The following NOL6 variants were observed in gnomAD, a reference collection of about 807,000 sequenced individuals.
NOL6 encodes nucleolar RNA-associated protein.
Under a neutral mutation model 131.7 loss-of-function variants are expected in NOL6, and 33 were observed. The observed-to-expected ratio is 0.25, with a 90% confidence interval of 0.19 to 0.33. The LOEUF (loss-of-function observed/expected upper bound fraction) is 0.33, where lower values mean the gene tolerates loss of function less well. Ranked by LOEUF, NOL6 falls within the 10% of genes least tolerant of loss-of-function variation. The pLI, the probability that NOL6 is intolerant of heterozygous loss-of-function variation, is 1.00. For missense variants in NOL6, 1,297 were observed against 1,494.5 expected (o/e 0.87, Z 2.18); for synonymous variants, 580 against 605.7 (o/e 0.96, Z 0.62).
chr9:33,466,034 C>G lies in NOL6; in HGVS notation c.2364+37G>C, dbSNP rs368207663. On this transcript the variant is annotated intron_variant, in intron 18 of 25. Coordinates refer to ENST00000297990, the MANE Select transcript of NOL6 (RefSeq NM_022917.5). Reference sequence around the variant, plus strand: ...CACGCCCTGACATCCCTGGTGCCCCCCTTCCCTGGGGACATATCTGCCTGC... The same window carrying G: ...CACGCCCTGACATCCCTGGTGCCCCGCTTCCCTGGGGACATATCTGCCTGC... The G allele has an allele frequency of 1.6e-5, 25 of 1,561,796 alleles. No homozygotes were observed. In the Admixed American group the frequency reaches 3.2e-4, roughly 20 times the overall value.
At chr9:33,468,261 A>G in intron 10 of NOL6, 60 bp downstream of exon 10, 3 of 1,608,522 alleles carry the variant, frequency 1.9e-6, no homozygotes, top group Non-Finnish European at 2.6e-6. Context: ...TGGTACTTGC[A>G]AAAGGGACAG....
intron 19 of NOL6, 98 bp from the exon 20 acceptor site, chr9:33,465,457 T>C (rs1258381840): frequency 1.5e-6 from 2 of 1,330,900 alleles, no homozygotes; most frequent in African/African-American, 3.0e-5. Context: ...ATAGGTTACA[T>C]ATGTAATCTC....
intron 18 of NOL6, 76 bp from the exon 19 acceptor site, chr9:33,465,973 A>G: frequency 3.8e-6 from 6 of 1,575,880 alleles, no homozygotes; most frequent in East Asian, 4.5e-5. Context: ...CTACAGCCCT[A>G]TTACCCAGCG....
In NOL6 at chr9:33,462,823, T is replaced by A. The variant is rs766273326; in HGVS notation, c.3292-10A>T. ...CCTTTGTGCTGGAGGCCTGGGGAAA[T>A]CAGAGAAGAGATGTGGGTTGAGTGT... On this transcript the variant is annotated splice_polypyrimidine_tract_variant and intron_variant, in intron 25 of 25. Coordinates refer to ENST00000297990, the MANE Select transcript of NOL6 (RefSeq NM_022917.5). 1.9e-6 allele frequency: 3 copies of A among 1,613,412 alleles called. No individual in the cohort carries two copies. The East Asian group carries it at 6.7e-5, about 36-fold the overall frequency.
Position 33,462,570 on chromosome 9 carries a change from TC to T in NOL6, c.*93del. 1.4e-5 allele frequency: 20 copies of T among 1,412,688 alleles called. No individual in the cohort carries two copies. The highest frequency in any genetic ancestry group is 2.0e-5 in the Non-Finnish European group (20 of 1,021,192). The allele number at this position is 1,412,688 out of a possible 1,614,324, so 87.5% of individuals were successfully genotyped here. The stretch of plus-strand genomic sequence containing the variant: ...AGCCAGCAGGCCCTCCATGGAGGAT[TC>T]ATGTCCAAGGAGGGTGGAGGTCATC... On this transcript the variant is annotated 3_prime_UTR_variant, in exon 26 of 26. Coordinates refer to ENST00000297990, the MANE Select transcript of NOL6 (RefSeq NM_022917.5).
Position 33,470,197 on chromosome 9 carries a change from G to C in NOL6, c.379-6C>G. The C allele has an allele frequency of 6.4e-7, 1 of 1,568,090 alleles. No homozygotes were observed. The highest frequency in any genetic ancestry group is 8.7e-7 in the Non-Finnish European group (1 of 1,152,108). ...AGCCATGCCTGGTCAGTGAGCTGTG[G>C]GGGCAGAGACAGGGACACATACTGA... On this transcript the variant is annotated splice_polypyrimidine_tract_variant and splice_region_variant and intron_variant, in intron 3 of 25. Coordinates refer to ENST00000297990, the MANE Select transcript of NOL6 (RefSeq NM_022917.5).
chr9:33,469,705 A>G, intron 4 of NOL6, 38 bp from the exon 5 acceptor site: 1 of 1,590,554 alleles, frequency 6.3e-7, no homozygotes. Context: ...CCAGGCACAT[A>G]AGTGCTTGTG....
chr9:33,462,976 G>A, intron 25 of NOL6, 57 bp downstream of exon 25: 2 of 1,552,456 alleles, frequency 1.3e-6, no homozygotes, highest in Non-Finnish European at 1.8e-6. Flanking sequence ...AGACATGCAT[G>A]CCCACACAGA....
At position 33,462,769 on chromosome 9, in the gene NOL6, C is replaced by T. The variant is rs1827132159; in HGVS notation, c.3336G>A (p.Glu1112=). 1 of 1,614,068 alleles carries T rather than the reference C, an allele frequency of 6.2e-7. No individual in the cohort carries two copies. The highest frequency in any genetic ancestry group is 8.5e-7 in the Non-Finnish European group (1 of 1,180,042). Reference sequence around the variant, plus strand: ...CTTCAACATTGGGCACCATTACTAGCTCCCCACCTCGAGACATCACCATGC... The same window carrying T: ...CTTCAACATTGGGCACCATTACTAGTTCCCCACCTCGAGACATCACCATGC... The part of the protein sequence containing the change: ...KGRMVMSRGG[E]LVMVPNVEAI... Residue 1112 remains glutamate, a synonymous_variant, in exon 26 of 26, where the codon GAG becomes GAA. Coordinates refer to ENST00000297990, the MANE Select transcript of NOL6 (RefSeq NM_022917.5).
At position 33,465,451 on chromosome 9, in the gene NOL6, G is replaced by A. The variant is rs933454878; in HGVS notation, c.2529-92C>T. The A allele has an allele frequency of 2.3e-5, 31 of 1,336,820 alleles. No homozygotes were observed. In the African/African-American group the frequency reaches 3.4e-4, roughly 15 times the overall value. The allele number at this position is 1,336,820 out of a possible 1,614,324, so 82.8% of individuals were successfully genotyped here. On this transcript the variant is annotated intron_variant, in intron 19 of 25. Transcript: ENST00000297990. ...CCAAGGCCAGCCTCAGTGATAATAG[G>A]TTACATATGTAATCTCATATTCTCT... is the stretch of plus-strand genomic sequence containing the variant.
Position 33,472,019 on chromosome 9 carries a change from T to C in NOL6, c.363A>G (p.Ser121=). Residue 121 remains serine (S), a synonymous_variant, in exon 3 of 26, where the codon TCA becomes TCG. Transcript: ENST00000297990. ...EVNQRVVRVP[S]VPETELTDQA... is the part of the protein sequence containing the mutation. ...ACTTGCTTACCTCTGTCTCAGGGAC[T>C]GAGGGCACCCTCACAACCCGCTGGT... 6.2e-7 allele frequency: 1 copy of C among 1,611,850 alleles called. No homozygotes were observed. Among genetic ancestry groups the C allele is most frequent in the South Asian group, 1.1e-5 (1 of 91,002 alleles).
intron 19 of NOL6, 144 bp from the exon 20 acceptor site, chr9:33,465,503 T>C: frequency 8.8e-7 from 1 of 1,135,492 alleles, no homozygotes; most frequent in Non-Finnish European, 1.2e-6. Context: ...AAGTTGACCC[T>C]AGTGTTATTT....
chr9:33,471,956 A>G lies in NOL6; in HGVS notation c.378+48T>C, dbSNP rs774674774. The G allele has an allele frequency of 9.2e-6, 12 of 1,305,606 alleles. No individual in the cohort carries two copies. The South Asian group carries it at 1.2e-4, about 13-fold the overall frequency. The allele number at this position is 1,305,606 out of a possible 1,614,324, so 80.9% of individuals were successfully genotyped here. On this transcript the variant is annotated intron_variant, in intron 3 of 25. Coordinates refer to ENST00000297990, the MANE Select transcript of NOL6 (RefSeq NM_022917.5). Reference sequence around the variant, plus strand: ...CAAGGCCCCTGTTTGATATACCCCCACTGGAGGTCTCTCTTGGGCTTCCCA... The same window carrying G: ...CAAGGCCCCTGTTTGATATACCCCCGCTGGAGGTCTCTCTTGGGCTTCCCA...
chr9:33,466,756 G>T, intron 15 of NOL6, 47 bp from the exon 16 acceptor site: 1 of 1,605,168 alleles, frequency 6.2e-7, no homozygotes, highest in Non-Finnish European at 8.5e-7. Flanking sequence ...CAGAAGGCCA[G>T]CTTCACCTGG....
rs1004227526 is a variant in NOL6 at position 33,461,406 on chromosome 9, T to C, written c.*1258A>G. On this transcript the variant is annotated 3_prime_UTR_variant, in exon 26 of 26. Transcript: ENST00000297990. Reference sequence around the variant, plus strand: ...AGGAGTTTACATACAAGAAACCAGGTTAAAATTATGTGAAAGGGGCAGACA... The same window carrying C: ...AGGAGTTTACATACAAGAAACCAGGCTAAAATTATGTGAAAGGGGCAGACA... 2.0e-5 allele frequency: 3 copies of C among 152,172 alleles called. No individual in the cohort carries two copies. The highest frequency in any genetic ancestry group is 6.6e-5 in the Admixed American group (1 of 15,266). The allele number at this position is 152,172 out of a possible 1,614,324, so 9.4% of individuals were successfully genotyped here. A position where few individuals can be genotyped will look rare whatever the true frequency, so the allele number is the denominator to read the frequency against.
chr9:33,473,283 C>T (rs1353197976), intron 1 of NOL6, among the ~76,000 whole-genome samples: 2 of 152,190 alleles, frequency 1.3e-5, no homozygotes, highest in Non-Finnish European at 2.9e-5. Context: ...ACTCGAGGTT[C>T]CACAACTGGT....
chr9:33,469,822 G>T, intron 4 of NOL6, 155 bp from the exon 5 acceptor site: 1 of 1,068,772 alleles, frequency 9.4e-7, no homozygotes, highest in Non-Finnish European at 1.3e-6. Flanking sequence ...CATATCTGGA[G>T]AGCAAAGCTC....
Position 33,463,281 on chromosome 9 carries a change from T to C in NOL6, c.3155A>G (p.Tyr1052Cys). 1.2e-6 allele frequency: 2 copies of C among 1,614,050 alleles called. No individual in the cohort carries two copies. The highest frequency in any genetic ancestry group is 1.7e-6 in the Non-Finnish European group (2 of 1,179,938). ...GPSSLMPVLG[Y>C]DPPQLYLTQL... ...CGTCAGATAGAGCTGAGGAGGATCA[T>C]AGCCCAGCACGGGCATCAGGGATGA... is the stretch of plus-strand genomic sequence containing the variant. Residue 1052 changes from tyrosine to cysteine, a missense_variant, in exon 24 of 26, where the codon TAT becomes TGT. Coordinates refer to ENST00000297990, the MANE Select transcript of NOL6 (RefSeq NM_022917.5).
At position 33,467,032 on chromosome 9, in the gene NOL6, TCTCG is replaced by T; in HGVS notation, c.1875-49_1875-46del. The T allele has an allele frequency of 1.9e-6, 3 of 1,613,814 alleles. No homozygotes were observed. Among genetic ancestry groups the T allele is most frequent in the Non-Finnish European group, 2.5e-6 (3 of 1,179,830 alleles). ...ACAGTGAGAAAATTTGGGGCTATGT[TCTCG>T]CTCAACTGCCTGGGCCAGACCCCTG... On this transcript the variant is annotated intron_variant, in intron 14 of 25. Transcript: ENST00000297990. The surrounding 1 kb of genome is among the most constrained non-coding windows in gnomAD (Gnocchi z 4.4).
Sources: gnomAD v4.1 joint callset for allele counts (sites outside exome capture counted in the v4.1 genomes callset) on GRCh38, gnomAD v4.1.1 for gene constraint, Gnocchi (gnomAD v3.1) non-coding constraint, MANE v1.5 for transcripts, NCBI Gene and HGNC (gene_info 2026-07-23, HGNC 2026-07-21) for gene names.